ENOX2: variants seen among roughly 807,000 people sequenced by gnomAD.
ENOX2 encodes ecto-NOX disulfide-thiol exchanger 2, also known as APK1 antigen.
In ENOX2, 36 loss-of-function variants were observed where a neutral mutation model predicts 45.0. That is an observed-to-expected ratio of 0.80 (90% confidence interval 0.61 to 1.06). ENOX2 has a LOEUF of 1.06. Ranked by LOEUF, ENOX2 falls within the 50% of genes least tolerant of loss-of-function variation. ENOX2 has a pLI of 0.00. For synonymous variants in ENOX2, 174 were observed against 152.3 expected (o/e 1.14, Z -1.05); for missense variants, 423 against 462.5 (o/e 0.91, Z 0.78).
intron 12 of ENOX2, among the ~76,000 whole-genome samples, chrX:130,632,390 A>C (rs2035788148): frequency 2.1e-5 from 2 of 94,978 alleles, no homozygotes; most frequent in African/African-American, 3.7e-5. Context: ...TCCTAAGAGA[A>C]ACTCAGGTGA....
intron 5 of ENOX2, among the ~76,000 whole-genome samples, chrX:130,681,392 GTTTTT>G (rs1309941090): frequency 9.1e-6 from 1 of 109,344 alleles, no homozygotes; most frequent in African/African-American, 3.3e-5. Flanking sequence ...CTGTGCATTC[GTTTTT>G]TTTTGTTTTT....
chrX:130,711,597 C>G (rs1357109411), intron 3 of ENOX2, among the ~76,000 whole-genome samples: 1 of 111,315 alleles, frequency 9.0e-6, no homozygotes, highest in Admixed American at 9.5e-5. Flanking sequence ...GGTCTTTATG[C>G]TGGCCTATAT....
At chrX:130,798,522 T>C (rs934283287) in intron 2 of ENOX2, among the ~76,000 whole-genome samples, 1 of 112,208 alleles carries the variant, frequency 8.9e-6, no homozygotes, top group Admixed American at 9.4e-5. Flanking sequence ...CAATTTATGA[T>C]ACTTTTATGA....
At chrX:130,772,462 T>C (rs770518922) in intron 3 of ENOX2, among the ~76,000 whole-genome samples, 22 of 111,900 alleles carry the variant, frequency 2.0e-4, no homozygotes, top group Non-Finnish European at 4.0e-4. Context: ...TGAGGTGATA[T>C]GTGAATCAGC....
At chrX:130,884,467 C>A (rs2078869844) in intron 2 of ENOX2, among the ~76,000 whole-genome samples, 1 of 111,046 alleles carries the variant, frequency 9.0e-6, no homozygotes, top group African/African-American at 3.3e-5. Context: ...TAATCTAGTA[C>A]ACGGGACAGT....
rs753783262 is a variant in ENOX2 at position 130,737,456 on chromosome X, G to GCGCA, written c.-38-34203_-38-34202insTGCG. ...TTACTTATTGCATGCGCGTGCGCAC[G>GCGCA]CACACACACACACACACACACACAA... On this transcript the variant is annotated intron_variant, in intron 3 of 14. Transcript: ENST00000394363. 1.7e-3 allele frequency among the ~76,000 whole-genome samples: 186 copies of GCGCA among 107,232 alleles called. 1 individual carries two copies. Among genetic ancestry groups the GCGCA allele is most frequent in the African/African-American group, 5.9e-3 (176 of 29,684 alleles). The allele number at this position is 107,232 out of a possible 115,157, so 93.1% of individuals were successfully genotyped here.
chrX:130,649,921 C>T (rs2036355617), intron 10 of ENOX2, among the ~76,000 whole-genome samples: 1 of 112,055 alleles, frequency 8.9e-6, no homozygotes, highest in Non-Finnish European at 1.9e-5. Flanking sequence ...ATTTGGTTTG[C>T]TTGCAGGGTG....
At chrX:130,835,504 T>G (rs1235432803) in intron 2 of ENOX2, among the ~76,000 whole-genome samples, 1 of 111,393 alleles carries the variant, frequency 9.0e-6, no homozygotes, top group Non-Finnish European at 1.9e-5. Context: ...ATAGAATACA[T>G]AACATACATA....
chrX:130,874,465 A>T (rs532757339), intron 2 of ENOX2, among the ~76,000 whole-genome samples: 1 of 112,274 alleles, frequency 8.9e-6, no homozygotes, highest in East Asian at 2.8e-4. Flanking sequence ...ATCATGTGGA[A>T]CTATAGCTTA....
At chrX:130,818,445 A>G (rs1309890761) in intron 2 of ENOX2, among the ~76,000 whole-genome samples, 2 of 111,858 alleles carry the variant, frequency 1.8e-5, no homozygotes, top group Admixed American at 1.9e-4. Context: ...AGCCAAGACA[A>G]TCCTAAGCAA....
chrX:130,884,883 T>A (rs1050531512), intron 2 of ENOX2, among the ~76,000 whole-genome samples: 2 of 111,730 alleles, frequency 1.8e-5, no homozygotes, highest in Admixed American at 1.9e-4. Context: ...AGCCAGTATA[T>A]CTTAAAATAC....
chrX:130,847,508 C>T (rs2078129864), intron 2 of ENOX2, among the ~76,000 whole-genome samples: 1 of 111,447 alleles, frequency 9.0e-6, no homozygotes, highest in Non-Finnish European at 1.9e-5. Flanking sequence ...TATTAGGTGA[C>T]CTCTAAGGAA....
intron 2 of ENOX2, among the ~76,000 whole-genome samples, chrX:130,858,459 C>T (rs940876843): frequency 9.0e-6 from 1 of 110,856 alleles, no homozygotes; most frequent in African/African-American, 3.3e-5. Flanking sequence ...AAATAAAGCA[C>T]ACCGGGAAAA....
chrX:130,848,761 A>G (rs886917058), intron 2 of ENOX2, among the ~76,000 whole-genome samples: 4 of 111,315 alleles, frequency 3.6e-5, no homozygotes, highest in Non-Finnish European at 5.7e-5. Context: ...GTGCCACTGT[A>G]CTCCAGCCTG....
chrX:130,639,724 G>C (rs888611723), intron 10 of ENOX2, among the ~76,000 whole-genome samples: 5 of 111,289 alleles, frequency 4.5e-5, no homozygotes, highest in Admixed American at 9.5e-5. Context: ...TGGATAATAA[G>C]AGCATAAAGA....
In ENOX2 at chrX:130,647,679, G is replaced by A. The variant is rs190858982; in HGVS notation, c.1129+8902C>T. Among the ~76,000 whole-genome samples, 5 of 112,109 alleles carry A rather than the reference G, an allele frequency of 4.5e-5. No individual in the cohort carries two copies. The East Asian group carries it at 1.4e-3, about 31-fold the overall frequency. On this transcript the variant is annotated intron_variant, in intron 10 of 14. Transcript: ENST00000394363. ...ATATTCCTTCACTAACCTCAGGATTGAGCAAGGTCTTTTTTATTTATTTTT... is the reference window on the plus strand; with the variant it reads ...ATATTCCTTCACTAACCTCAGGATTAAGCAAGGTCTTTTTTATTTATTTTT...
At chrX:130,815,213 G>C (rs939863574) in intron 2 of ENOX2, among the ~76,000 whole-genome samples, 1 of 111,685 alleles carries the variant, frequency 9.0e-6, no homozygotes, top group Non-Finnish European at 1.9e-5. Context: ...GAATGAAAAG[G>C]AATGAATAAA....
chrX:130,666,194 C>G (rs1425130950), intron 8 of ENOX2, among the ~76,000 whole-genome samples: 2 of 112,020 alleles, frequency 1.8e-5, no homozygotes, highest in Non-Finnish European at 3.8e-5. Flanking sequence ...CTGACACACA[C>G]TTGGATGCCT....
chrX:130,845,632 A>G (rs957395360), intron 2 of ENOX2, among the ~76,000 whole-genome samples: 5 of 111,610 alleles, frequency 4.5e-5, no homozygotes, highest in Non-Finnish European at 7.5e-5. Context: ...CACCCGGCTA[A>G]TTTTGTATTT....
Sources: gnomAD v4.1 joint callset for allele counts (sites outside exome capture counted in the v4.1 genomes callset) on GRCh38, gnomAD v4.1.1 for gene constraint, MANE v1.5 for transcripts, NCBI Gene and HGNC (gene_info 2026-07-23, HGNC 2026-07-21) for gene names.